Variants in ZNF502 observed in about 807,000 individuals in gnomAD.
ZNF502 encodes zinc finger protein 502.
A neutral mutation model predicts 43.6 loss-of-function variants in ZNF502; 29 were observed. That is an observed-to-expected ratio of 0.67 (90% CI 0.50 to 0.91). The LOEUF is 0.91. ZNF502 is among the 40% of genes least tolerant of loss of function. The pLI is 0.00. For missense variants in ZNF502, 591 were observed against 647.2 expected (o/e 0.91, Z 0.94); for synonymous variants, 171 against 207.4 (o/e 0.82, Z 1.51).
chr3:44,714,244 T>G (rs1167081821), intron 1 of ZNF502, among the ~76,000 whole-genome samples: 1 of 152,196 alleles, frequency 6.6e-6, no homozygotes, highest in African/African-American at 2.4e-5. Flanking sequence ...CTGTTTCCTT[T>G]TTACCTTTCA....
intron 1 of ZNF502, chr3:44,714,769 A>G (rs1170236856): frequency 6.6e-6 from 1 of 152,194 alleles, no homozygotes; most frequent in African/African-American, 2.4e-5. Flanking sequence ...TGAATGCTTT[A>G]TGTGAATTAA....
intron 1 of ZNF502, among the ~76,000 whole-genome samples, chr3:44,717,945 C>A (rs1032174454): frequency 1.3e-5 from 2 of 152,140 alleles, no homozygotes; most frequent in African/African-American, 4.8e-5. Flanking sequence ...GCTACCTCAC[C>A]TTGCTGGGAT....
rs1704422366 is a variant in ZNF502, at chr3:44,723,441, A to G, written c.*989A>G. ...ACTAGGACTAACAATGTCCTAACAAAATGGTACTTAGTTTGTTGGTCTTTA... is the reference window on the plus strand; with the variant it reads ...ACTAGGACTAACAATGTCCTAACAAGATGGTACTTAGTTTGTTGGTCTTTA... On this transcript the variant is annotated 3_prime_UTR_variant, in exon 3 of 3. Coordinates refer to ENST00000436624, the MANE Select transcript of ZNF502 (RefSeq NM_001134442.3). 6.6e-6 allele frequency: 1 copy of G among 152,202 alleles called. No homozygotes were observed. Among genetic ancestry groups the G allele is most frequent in the Admixed American group, 6.5e-5 (1 of 15,270 alleles). 9.4% of individuals were successfully genotyped at this position (152,202 alleles called of 1,614,324 possible).
In ZNF502 at chr3:44,722,131, T is replaced by C. The variant is rs1288587448; in HGVS notation, c.1314T>C (p.Asn438=). 2.5e-6 allele frequency: 4 copies of C among 1,614,024 alleles called. No homozygotes were observed. Among genetic ancestry groups the C allele is most frequent in the Non-Finnish European group, 3.4e-6 (4 of 1,180,012 alleles). ...CTGGAGAAAAACCCTATAAATGCAA[T>C]GAATGTGGAAAGGGCTTTAATCAGA... ...SHTGEKPYKC[N]ECGKGFNQNT... is the part of the protein sequence containing the mutation. Residue 438 remains asparagine (N), a synonymous_variant, in exon 3 of 3, where the codon AAT becomes AAC. Coordinates refer to ENST00000436624, the MANE Select transcript of ZNF502 (RefSeq NM_001134442.3).
intron 1 of ZNF502, 114 bp downstream of exon 1, chr3:44,712,854 G>T (rs916714226): frequency 1.3e-5 from 2 of 152,452 alleles, no homozygotes; most frequent in East Asian, 3.8e-4. Flanking sequence ...TCCTCTCCAC[G>T]TTGCTGCCTA....
At chr3:44,714,605 C>A (rs1277016974) in intron 1 of ZNF502, 1 of 152,154 alleles carries the variant, frequency 6.6e-6, no homozygotes. Context: ...TGTTTGCTGA[C>A]CCTTGACATT....
chr3:44,716,395 G>A (rs577512251), intron 1 of ZNF502, among the ~76,000 whole-genome samples: 1 of 152,018 alleles, frequency 6.6e-6, no homozygotes, highest in East Asian at 1.9e-4. Context: ...TCACCATGTT[G>A]GGCAGGCTGG....
rs1398327123 is a variant in ZNF502 at position 44,721,551 on chromosome 3, G to A, written c.734G>A (p.Gly245Glu). ...AAACCTTATAAATGCAATGAATGTG[G>A]GAATTCCTTCCGCAATCACTCACAT... ...GEKPYKCNEC[G>E]NSFRNHSHLT... Residue 245 changes from glycine to glutamate, a missense_variant, in exon 3 of 3, where the codon GGG (glycine) becomes GAG (glutamate). Transcript: ENST00000436624. 4 of 1,607,406 alleles carry A rather than the reference G, an allele frequency of 2.5e-6. No individual in the cohort carries two copies. Among genetic ancestry groups the A allele is most frequent in the Non-Finnish European group, 3.4e-6 (4 of 1,176,038 alleles).
At chr3:44,719,253 G>A (rs1489054806) in intron 1 of ZNF502, among the ~76,000 whole-genome samples, 5 of 152,222 alleles carry the variant, frequency 3.3e-5, no homozygotes, top group Admixed American at 6.5e-5. Flanking sequence ...GATTACAGGC[G>A]TAAGCCACTG....
Position 44,721,397 on chromosome 3 carries a change from C to T in ZNF502, c.580C>T (p.Arg194Cys), listed in dbSNP as rs555299826. 1.2e-5 allele frequency: 19 copies of T among 1,613,994 alleles called. No individual in the cohort carries two copies. The highest frequency in any genetic ancestry group is 4.0e-5 in the African/African-American group (3 of 74,904). The part of the protein sequence containing the change: ...TCEECGKAFS[R>C]SSFLVQHQRI... ...TGAGGAATGTGGGAAAGCCTTTAGT[C>T]GTAGTTCATTCCTTGTTCAACATCA... The change falls in exon 3 of 3, where the codon CGT becomes TGT. Residue 194 changes from arginine to cysteine, a missense_variant. By Grantham distance (180) the Arg-to-Cys change is radical. Coordinates refer to ENST00000436624, the MANE Select transcript of ZNF502 (RefSeq NM_001134442.3).
At chr3:44,719,815 A>T (rs1704256641) in intron 1 of ZNF502, among the ~76,000 whole-genome samples, 1 of 152,250 alleles carries the variant, frequency 6.6e-6, no homozygotes, top group East Asian at 1.9e-4. Flanking sequence ...ACATTTTGCT[A>T]TACAACTTTT....
At chr3:44,715,957 A>G (rs761459565) in intron 1 of ZNF502, among the ~76,000 whole-genome samples, 1 of 152,168 alleles carries the variant, frequency 6.6e-6, no homozygotes, top group Admixed American at 6.5e-5. Flanking sequence ...TTTTCCCAAT[A>G]AACACATATT....
chr3:44,715,588 GT>G (rs542523232), intron 1 of ZNF502, among the ~76,000 whole-genome samples: 90 of 147,418 alleles, frequency 6.1e-4, no homozygotes, highest in East Asian at 3.7e-3. Flanking sequence ...TTATAGATTT[GT>G]TTTTTTTTTA....
rs190994781 is a variant in ZNF502 at position 44,713,249 on chromosome 3, C to T, written c.-60+509C>T. 2.0e-4 allele frequency among the ~76,000 whole-genome samples: 30 copies of T among 152,332 alleles called. No homozygotes were observed. The South Asian group carries it at 5.0e-3, about 25-fold the overall frequency. The stretch of plus-strand genomic sequence containing the variant: ...GTACTGTCTAGAAGTCTGTTCCTTG[C>T]TTCTTCACAAAGCTCAGTTGACAGC... On this transcript the variant is annotated intron_variant, in intron 1 of 2. Transcript: ENST00000436624.
chr3:44,720,734 A>G, intron 2 of ZNF502, 139 bp from the exon 3 acceptor site: 1 of 928,654 alleles, frequency 1.1e-6, no homozygotes, highest in Non-Finnish European at 1.6e-6. Context: ...TTACAACTCT[A>G]ACTTACTTGC....
In ZNF502 at chr3:44,721,142, C is replaced by T. The variant is rs1300772349; in HGVS notation, c.325C>T (p.Leu109Phe). ...AGGATATAATTTTGAGAAAAGCTTG[C>T]TTTTGACCTCAAGCCTTGTTACACG... is the stretch of plus-strand genomic sequence containing the variant. ...SQGYNFEKSL[L>F]LTSSLVTRLR... is the part of the protein sequence containing the mutation. Residue 109 changes from leucine to phenylalanine, a missense_variant, in exon 3 of 3, where the codon CTT becomes TTT. Leu to Phe is a conservative substitution (Grantham distance 22, BLOSUM62 0). Transcript: ENST00000436624. The T allele has an allele frequency of 1.2e-6, 2 of 1,614,004 alleles. No individual in the cohort carries two copies. Among genetic ancestry groups the T allele is most frequent in the East Asian group, 2.2e-5 (1 of 44,896 alleles).
intron 1 of ZNF502, among the ~76,000 whole-genome samples, chr3:44,718,953 G>A (rs1280518727): frequency 6.7e-6 from 1 of 149,574 alleles, no homozygotes; most frequent in Non-Finnish European, 1.5e-5. Flanking sequence ...TCAGAATCAG[G>A]AAAACCAGGT....
At chr3:44,715,216 A>T (rs549549728) in intron 1 of ZNF502, among the ~76,000 whole-genome samples, 1 of 152,144 alleles carries the variant, frequency 6.6e-6, no homozygotes, top group Non-Finnish European at 1.5e-5. Context: ...TGAGTGCTTA[A>T]TGCCAGTATA....
At position 44,722,515 on chromosome 3, in the gene ZNF502, G is replaced by C; in HGVS notation, c.*63G>C. ...ATGACTACGAATCTGACTGGGAGTA[G>C]AGGGGCAGGTAGAGTTCCTGGAGGG... On this transcript the variant is annotated 3_prime_UTR_variant, in exon 3 of 3. Coordinates refer to ENST00000436624, the MANE Select transcript of ZNF502 (RefSeq NM_001134442.3). 6.5e-7 allele frequency: 1 copy of C among 1,536,554 alleles called. No homozygotes were observed. The highest frequency in any genetic ancestry group is 8.7e-7 in the Non-Finnish European group (1 of 1,147,256).
Sources: gnomAD v4.1 joint callset for allele counts (sites outside exome capture counted in the v4.1 genomes callset) on GRCh38, gnomAD v4.1.1 for gene constraint, MANE v1.5 for transcripts, NCBI Gene and HGNC (gene_info 2026-07-23, HGNC 2026-07-21) for gene names.